ZSWIM5: variants seen among roughly 807,000 people sequenced by gnomAD.
ZSWIM5 encodes the protein zinc finger SWIM domain-containing protein 5.
ZSWIM5 carries 55 observed loss-of-function variants against 119.6 expected under a neutral mutation model. The ratio of observed to expected loss-of-function variants is 0.46; its 90% CI spans 0.37 to 0.58. The LOEUF is 0.58. ZSWIM5 is among the 20% of genes least tolerant of loss of function. The probability of loss-of-function intolerance (pLI) is 0.00; values close to 1 mark genes in which losing one functional copy is unlikely to be tolerated. For missense variants in ZSWIM5, 1,193 were observed against 1,512.8 expected, an observed-to-expected ratio of 0.79 and a Z score of 3.51; for synonymous variants, 537 against 606.9, an observed-to-expected ratio of 0.88 and a Z score of 1.69.
intron 11 of ZSWIM5, among the ~76,000 whole-genome samples, chr1:45,030,475 A>G (rs1211414047): frequency 6.6e-6 from 1 of 151,034 alleles, no homozygotes; most frequent in Non-Finnish European, 1.5e-5. Flanking sequence ...TCGAACTCCT[A>G]CCTTTAGGTT....
chr1:45,086,888 T>TC (rs1236559150), intron 2 of ZSWIM5, among the ~76,000 whole-genome samples: 1 of 149,668 alleles, frequency 6.7e-6, no homozygotes, highest in African/African-American at 2.5e-5. Context: ...TAAATTTTTT[T>TC]TTTTTTTTTT....
At position 45,206,269 on chromosome 1, in the gene ZSWIM5, G is replaced by C. The variant is rs1341347494; in HGVS notation, c.82C>G (p.Pro28Ala). 5 of 1,582,278 alleles carry C rather than the reference G, an allele frequency of 3.2e-6. No homozygotes were observed. Among genetic ancestry groups the C allele is most frequent in the Non-Finnish European group, 4.3e-6 (5 of 1,165,634 alleles). ...PAKRQCSWPS[P>A]QAHHPRGSPG... is the part of the protein sequence containing the mutation. ...GAACCGCGAGGGTGATGAGCCTGCG[G>C]GCTGGGCCACGAACACTGCCGCTTA... The change falls in exon 1 of 14, where the codon CCG (proline) becomes GCG (alanine). Residue 28 changes from proline (P) to alanine (A), a missense_variant. Around this residue, in one of 2 missense-constraint regions of ZSWIM5, gnomAD observed 232 missense variants for 222.9 expected, o/e 1.04. Transcript: ENST00000359600.
In ZSWIM5 at chr1:45,057,650, C is replaced by T. The variant is rs144874665; in HGVS notation, c.1252+959G>A. ...ATTTAAAGTCAGACAGATTGGGCTT[C>T]CAGTGTTAGAGCCAAAACTTACTAG... On this transcript the variant is annotated intron_variant, in intron 4 of 13. Transcript: ENST00000359600. This position sits in a 1 kb window ranked among gnomAD's most constrained non-coding sequence, Gnocchi z 4.7. 6.6e-6 allele frequency among the ~76,000 whole-genome samples: 1 copy of T among 152,312 alleles called. No individual in the cohort carries two copies. Among genetic ancestry groups the T allele is most frequent in the African/African-American group, 2.4e-5 (1 of 41,570 alleles).
intron 5 of ZSWIM5, among the ~76,000 whole-genome samples, chr1:45,044,552 T>C (rs1420171337): frequency 6.8e-6 from 1 of 146,384 alleles, no homozygotes; most frequent in Non-Finnish European, 1.5e-5. Flanking sequence ...TGAAACTCCG[T>C]CTCTACTAAA....
At chr1:45,168,644 G>A (rs375544384) in intron 1 of ZSWIM5, among the ~76,000 whole-genome samples, 10 of 128,698 alleles carry the variant, frequency 7.8e-5, no homozygotes, top group Non-Finnish European at 1.3e-4. Context: ...CAGCCTGGGC[G>A]ACAGAGTGAG....
Position 45,168,690 on chromosome 1 carries a change from A to G in ZSWIM5, c.595+37066T>C, listed in dbSNP as rs1428715839. Among the ~76,000 whole-genome samples the G allele has an allele frequency of 2.7e-5, 4 of 150,722 alleles. No individual in the cohort carries two copies. The East Asian group carries it at 7.7e-4, about 29-fold the overall frequency. Reference sequence around the variant, plus strand: ...AAAAAAAAAAAAAAAAAAAAAGAATAAAGATTGAATTTTTTTTCCTACATG... The same window carrying G: ...AAAAAAAAAAAAAAAAAAAAAGAATGAAGATTGAATTTTTTTTCCTACATG... On this transcript the variant is annotated intron_variant, in intron 1 of 13. Coordinates refer to ENST00000359600, the MANE Select transcript of ZSWIM5 (RefSeq NM_020883.2).
At chr1:45,090,930 T>C (rs916268595) in intron 1 of ZSWIM5, among the ~76,000 whole-genome samples, 3 of 152,110 alleles carry the variant, frequency 2.0e-5, no homozygotes, top group Non-Finnish European at 4.4e-5. Context: ...GAGTAATATA[T>C]AGCAAAGAGC....
rs147821095 is a variant in ZSWIM5, at chr1:45,178,405, T to C, written c.595+27351A>G. On this transcript the variant is annotated intron_variant, in intron 1 of 13. Transcript: ENST00000359600. ...CGCCACCACACTCCACCCTGGGTGATAGAGTGAGACTCCGTCTCAGAAACA... is the reference window on the plus strand; with the variant it reads ...CGCCACCACACTCCACCCTGGGTGACAGAGTGAGACTCCGTCTCAGAAACA... Among the ~76,000 whole-genome samples the C allele has an allele frequency of 2.1e-3, 323 of 152,136 alleles. 4 individuals carry two copies. The highest frequency in any genetic ancestry group is 7.1e-3 in the African/African-American group (295 of 41,528).
chr1:45,181,651 G>A (rs1646020662), intron 1 of ZSWIM5, among the ~76,000 whole-genome samples: 1 of 152,104 alleles, frequency 6.6e-6, no homozygotes, highest in Non-Finnish European at 1.5e-5. Context: ...AAGTTGAAAT[G>A]AAGGAAAAAA....
intron 11 of ZSWIM5, among the ~76,000 whole-genome samples, chr1:45,024,487 C>T (rs892130692): frequency 3.3e-5 from 5 of 151,778 alleles, no homozygotes; most frequent in Admixed American, 2.0e-4. Flanking sequence ...CCACTGAGCC[C>T]GGCCTCTTTA....
intron 1 of ZSWIM5, among the ~76,000 whole-genome samples, chr1:45,190,539 T>C (rs933540670): frequency 4.6e-5 from 7 of 152,136 alleles, no homozygotes; most frequent in African/African-American, 1.7e-4. Flanking sequence ...GCGGTTCCCT[T>C]ATAGGGTGAA....
chr1:45,158,862 C>A (rs1324967294), intron 1 of ZSWIM5, among the ~76,000 whole-genome samples: 1 of 152,074 alleles, frequency 6.6e-6, no homozygotes, highest in Non-Finnish European at 1.5e-5. Flanking sequence ...ATTAATATGT[C>A]TTTCTTTTAT....
chr1:45,150,758 G>A (rs559925680), intron 1 of ZSWIM5, among the ~76,000 whole-genome samples: 2 of 152,130 alleles, frequency 1.3e-5, no homozygotes, highest in African/African-American at 2.4e-5. Flanking sequence ...TGAGAGCAGC[G>A]AGAAAATGAA....
intron 4 of ZSWIM5, among the ~76,000 whole-genome samples, chr1:45,055,141 C>A (rs1469025820): frequency 1.3e-5 from 2 of 152,246 alleles, no homozygotes; most frequent in Non-Finnish European, 2.9e-5. Flanking sequence ...CAGGCGCCCA[C>A]CACCATGCCT....
chr1:45,020,004 G>T, intron 13 of ZSWIM5, 62 bp downstream of exon 13: 1 of 1,400,518 alleles, frequency 7.1e-7, no homozygotes, highest in Non-Finnish European at 1.0e-6. Flanking sequence ...TGATTGTCCT[G>T]TCCCAAGAGT....
chr1:45,048,110 G>T (rs1415389622), intron 5 of ZSWIM5, among the ~76,000 whole-genome samples: 1 of 120,014 alleles, frequency 8.3e-6, no homozygotes, highest in Non-Finnish European at 1.7e-5. Flanking sequence ...TTGAGACAGG[G>T]TCTCATTTTG....
intron 4 of ZSWIM5, among the ~76,000 whole-genome samples, chr1:45,058,230 G>A (rs769507845): frequency 6.6e-6 from 1 of 152,220 alleles, no homozygotes; most frequent in Non-Finnish European, 1.5e-5. Flanking sequence ...ATTGGAAACT[G>A]CCCTACGTCT....
chr1:45,077,078 T>C (rs1030121250), intron 2 of ZSWIM5, among the ~76,000 whole-genome samples: 8 of 152,214 alleles, frequency 5.3e-5, no homozygotes, highest in Non-Finnish European at 1.0e-4. Context: ...GTCACACATC[T>C]GTGTTTCTCC....
At chr1:45,060,422 A>G (rs1319058830) in intron 2 of ZSWIM5, among the ~76,000 whole-genome samples, 175 bp from the exon 3 acceptor site, 1 of 152,216 alleles carries the variant, frequency 6.6e-6, no homozygotes, top group Non-Finnish European at 1.5e-5. Context: ...TAATTTTTCA[A>G]AAAGCCTAAA....
Sources: allele counts gnomAD v4.1 joint callset (sites outside exome capture counted in the v4.1 genomes callset), GRCh38; gene constraint gnomAD v4.1.1; regional missense constraint gnomAD v4.1.1; non-coding constraint Gnocchi (gnomAD v3.1); transcripts MANE v1.5; gene names NCBI Gene and HGNC (gene_info 2026-07-23, HGNC 2026-07-21).